The following NIT1 variants were observed in gnomAD, a reference collection of about 807,000 sequenced individuals.
NIT1 encodes the protein nitrilase 1.
Under a neutral mutation model 36.8 loss-of-function variants are expected in NIT1, and 30 were observed. The ratio of observed to expected loss-of-function variants is 0.82; its 90% CI spans 0.61 to 1.11. The LOEUF (loss-of-function observed/expected upper bound fraction) is 1.11. NIT1 is among the 50% of genes least tolerant of loss of function. The pLI is 0.00. For synonymous variants in NIT1, 151 were observed against 155.6 expected, an observed-to-expected ratio of 0.97 and a Z score of 0.22; for missense variants, 438 against 410.6, an observed-to-expected ratio of 1.07 and a Z score of -0.58.
downstream of NIT1, chr1:161,122,024 T>TAA (rs34197267): frequency 0.017 from 17,882 of 1,060,588 alleles, 3 homozygotes; most frequent in Middle Eastern, 0.018. The surrounding 1 kb of genome is among the most constrained non-coding windows in gnomAD (Gnocchi z 4.2). Flanking sequence ...TCTTTTTCTT[T>TAA]AAAAAAAAAA....
chr1:161,123,622 G>A (rs1395693376), downstream of NIT1, among the ~76,000 whole-genome samples: 2 of 146,486 alleles, frequency 1.4e-5, no homozygotes, highest in African/African-American at 5.0e-5. Flanking sequence ...GGCGACAGAG[G>A]GAGACTCTGT....
chr1:161,123,277 C>T (rs1490554035), downstream of NIT1: 8 of 1,512,430 alleles, frequency 5.3e-6, no homozygotes, highest in Non-Finnish European at 7.3e-6. Context: ...GAAATTCAAA[C>T]ACTTCTGTTG....
downstream of NIT1, chr1:161,122,021 C>CT (rs1424739803): frequency 6.7e-5 from 75 of 1,120,166 alleles, no homozygotes; most frequent in African/African-American, 5.0e-4. This position sits in a 1 kb window ranked among gnomAD's most constrained non-coding sequence, Gnocchi z 4.2. Flanking sequence ...TTGTCTTTTT[C>CT]TTTAAAAAAA....
At chr1:161,122,000 TC>T (rs1655548907), downstream of NIT1, 2 of 1,104,500 alleles carry the variant, frequency 1.8e-6, no homozygotes, top group Non-Finnish European at 2.5e-6. Context: ...GAATACCACT[TC>T]CACTTTCTTT....
At chr1:161,119,794 T>C in intron 4 of NIT1, 25 bp from the exon 5 acceptor site, 1 of 1,583,832 alleles carries the variant, frequency 6.3e-7, no homozygotes, top group Non-Finnish European at 8.6e-7. Context: ...ACACCAGCAC[T>C]GATATTCCTT....
chr1:161,119,705 A>G (rs1362718130), intron 4 of NIT1, 93 bp downstream of exon 4: 3 of 1,586,384 alleles, frequency 1.9e-6, no homozygotes, highest in Admixed American at 3.4e-5. Flanking sequence ...CCTTGACCCA[A>G]GGATTTAGGG....
At chr1:161,121,931 G>T, downstream of NIT1, 1 of 580,346 alleles carries the variant, frequency 1.7e-6, no homozygotes, top group Non-Finnish European at 3.0e-6. Context: ...ACATTACGGG[G>T]TAAATGGAAA....
chr1:161,123,559 C>A (rs1316265132), downstream of NIT1, among the ~76,000 whole-genome samples: 1 of 151,076 alleles, frequency 6.6e-6, no homozygotes, highest in African/African-American at 2.4e-5. Context: ...TGGCGTGCAC[C>A]TGGGAAGTGG....
Position 161,119,381 on chromosome 1 carries a change from C to T in NIT1, c.346C>T (p.Leu116Phe). The part of the protein sequence containing the change: ...GGKLLEEYTQ[L>F]ARECGLWLSL... Reference sequence around the variant, plus strand: ...GAAACTTTTGGAAGAATACACCCAGCTTGCCAGGTATCAGGGAAATAGCGA... The same window carrying T: ...GAAACTTTTGGAAGAATACACCCAGTTTGCCAGGTATCAGGGAAATAGCGA... Residue 116 changes from leucine to phenylalanine, a missense_variant, in exon 3 of 7, where the codon CTT becomes TTT. Physicochemically the swap from Leu to Phe is conservative, Grantham distance 22. Transcript: ENST00000368009. 1.2e-6 allele frequency: 2 copies of T among 1,613,774 alleles called. No individual in the cohort carries two copies. The highest frequency in any genetic ancestry group is 2.2e-5 in the South Asian group (2 of 91,086).
downstream of NIT1, chr1:161,122,370 A>G: frequency 1.2e-6 from 2 of 1,614,204 alleles, no homozygotes; most frequent in Non-Finnish European, 1.7e-6. The surrounding 1 kb of genome is among the most constrained non-coding windows in gnomAD (Gnocchi z 4.2). Flanking sequence ...GATGTCACAG[A>G]TGATGGAGCC....
chr1:161,124,089 C>G (rs750022910), downstream of NIT1: 113 of 1,586,174 alleles, frequency 7.1e-5, no homozygotes, highest in Non-Finnish European at 9.4e-5. Context: ...CTGCTCCTTC[C>G]TGGCCTCCCA....
Position 161,121,008 on chromosome 1 carries a change from CTG to C in NIT1, c.*244_*245del. On this transcript the variant is annotated 3_prime_UTR_variant, in exon 7 of 7. Transcript: ENST00000368009. ...ATAGTCATTGTTTATTTCATGGAAA[CTG>C]AAGTTCTGCTGAGGGCTGAGCAGCA... 2 of 1,382,166 alleles carry C rather than the reference CTG, an allele frequency of 1.4e-6. No individual in the cohort carries two copies. The highest frequency in any genetic ancestry group is 1.9e-6 in the Non-Finnish European group (2 of 1,068,236). 85.6% of individuals were successfully genotyped at this position (1,382,166 alleles called of 1,614,324 possible).
In NIT1 at chr1:161,120,154, G is replaced by A. The variant is rs1471206834; in HGVS notation, c.639G>A (p.Leu213=). The A allele has an allele frequency of 1.1e-5, 18 of 1,614,028 alleles. No individual in the cohort carries two copies. The highest frequency in any genetic ancestry group is 1.4e-5 in the Non-Finnish European group (17 of 1,180,040). The change falls in exon 6 of 7, where the codon CTG becomes CTA. Residue 213 remains leucine, a synonymous_variant. Coordinates refer to ENST00000368009, the MANE Select transcript of NIT1 (RefSeq NM_005600.3). ...ACATGCGGTTCCCTGAACTCTCTCT[G>A]GCATTGGCTCAAGCTGGAGCAGAGA... ...CYDMRFPELS[L]ALAQAGAEIL...
rs1404613491 is a variant in NIT1 at position 161,119,530 on chromosome 1, C to T, written c.375C>T (p.Ser125=). The T allele has an allele frequency of 6.2e-7, 1 of 1,614,102 alleles. No homozygotes were observed. Among genetic ancestry groups the T allele is most frequent in the East Asian group, 2.2e-5 (1 of 44,876 alleles). Residue 125 remains serine, a synonymous_variant, in exon 4 of 7, where the codon TCC becomes TCT. Coordinates refer to ENST00000368009, the MANE Select transcript of NIT1 (RefSeq NM_005600.3). ...QLARECGLWL[S]LGGFHERGQD... ...CCAGGGAATGTGGACTCTGGCTGTCCTTGGGTGGTTTCCATGAGCGTGGCC... is the reference window on the plus strand; with the variant it reads ...CCAGGGAATGTGGACTCTGGCTGTCTTTGGGTGGTTTCCATGAGCGTGGCC...
downstream of NIT1, chr1:161,122,363 G>A (rs1243922611): frequency 1.9e-6 from 3 of 1,614,240 alleles, no homozygotes; most frequent in South Asian, 3.3e-5. The surrounding 1 kb of genome is among the most constrained non-coding windows in gnomAD (Gnocchi z 4.2). Flanking sequence ...AGAACTTGAT[G>A]TCACAGATGA....
intron 4 of NIT1, 66 bp from the exon 5 acceptor site, chr1:161,119,753 C>T (rs898365081): frequency 3.2e-6 from 5 of 1,576,582 alleles, no homozygotes; most frequent in East Asian, 4.5e-5. Context: ...AAACTATCTC[C>T]TCCTTGGGAG....
downstream of NIT1, chr1:161,124,030 C>G: frequency 6.3e-7 from 1 of 1,581,978 alleles, no homozygotes; most frequent in Non-Finnish European, 8.6e-7. Context: ...TCACAACTTA[C>G]TCTAAGTACT....
In NIT1 at chr1:161,119,895, C is replaced by T. The variant is rs1465381274; in HGVS notation, c.534C>T (p.Ser178=). 1.2e-6 allele frequency: 2 copies of T among 1,612,988 alleles called. No homozygotes were observed. The highest frequency in any genetic ancestry group is 1.7e-6 in the Non-Finnish European group (2 of 1,179,732). ...EIPGQGPMCE[S]NSTMPGPSLE... is the part of the protein sequence containing the mutation. ...CAGGGCAGGGGCCTATGTGTGAAAG[C>T]AACTCTACCATGCCTGGGCCCAGTC... The change falls in exon 5 of 7, where the codon AGC becomes AGT. Residue 178 remains serine (S), a synonymous_variant. Transcript: ENST00000368009.
rs200179933 is a variant in NIT1 at position 161,119,293 on chromosome 1, G to A, written c.258G>A (p.Glu86=). Residue 86 remains glutamate (E), a synonymous_variant, in exon 3 of 7, where the codon GAG becomes GAA. Transcript: ENST00000368009. ...RLGACLAFLP[E]AFDFIARDPA... is the part of the protein sequence containing the mutation. ...GTGCCTGCCTGGCTTTCCTGCCTGAGGCATTTGACTTCATTGCACGGGACC... is the reference window on the plus strand; with the variant it reads ...GTGCCTGCCTGGCTTTCCTGCCTGAAGCATTTGACTTCATTGCACGGGACC... 8.2e-5 allele frequency: 132 copies of A among 1,614,216 alleles called. No homozygotes were observed. The highest frequency in any genetic ancestry group is 1.1e-4 in the Non-Finnish European group (124 of 1,180,044).
Sources: allele counts gnomAD v4.1 joint callset (sites outside exome capture counted in the v4.1 genomes callset), GRCh38; gene constraint gnomAD v4.1.1; non-coding constraint Gnocchi (gnomAD v3.1); transcripts MANE v1.5; gene names NCBI Gene and HGNC (gene_info 2026-07-23, HGNC 2026-07-21).